The following TGFBR3 variants were observed in gnomAD, a reference collection of about 807,000 sequenced individuals.
TGFBR3 encodes transforming growth factor beta receptor 3.
A neutral mutation model predicts 87.9 loss-of-function variants in TGFBR3; 46 were observed. The observed-to-expected ratio is 0.52, with a 90% CI of 0.41 to 0.67. TGFBR3 has a LOEUF of 0.67. Among genes scored for constraint, TGFBR3 ranks in the 30% least tolerant of loss-of-function variants. TGFBR3 has a pLI of 0.00. For missense variants in TGFBR3, 866 were observed against 1,041.9 expected (o/e 0.83, Z 2.32); for synonymous variants, 381 against 391.6 (o/e 0.97, Z 0.32).
At position 91,727,659 on chromosome 1, in the gene TGFBR3, A is replaced by C; in HGVS notation, c.885T>G (p.Ile295Met). The change falls in exon 7 of 17, where the codon ATT becomes ATG. Residue 295 changes from isoleucine to methionine, a missense_variant and splice_region_variant. Ile to Met is a conservative substitution (Grantham distance 10, BLOSUM62 1). Coordinates refer to ENST00000212355, the MANE Select transcript of TGFBR3 (RefSeq NM_003243.5). ...CAAAAGACATGCTCCACCAACTTAC[A>C]ATAATTTTCAGGCTTCCCTTAACAT... ...SFDVKGSLKI[I>M]APNSIGFGKE... is the part of the protein sequence containing the mutation. 9 of 1,614,098 alleles carry C rather than the reference A, an allele frequency of 5.6e-6. No homozygotes were observed. The highest frequency in any genetic ancestry group is 6.8e-6 in the Non-Finnish European group (8 of 1,179,978).
At chr1:91,815,094 G>A (rs1676168896) in intron 2 of TGFBR3, among the ~76,000 whole-genome samples, 1 of 152,152 alleles carries the variant, frequency 6.6e-6, no homozygotes, top group Non-Finnish European at 1.5e-5. Flanking sequence ...TTGAGGCCAG[G>A]AGTTCAAGAC....
intron 2 of TGFBR3, among the ~76,000 whole-genome samples, chr1:91,799,300 A>G (rs187969801): frequency 7.9e-5 from 12 of 152,300 alleles, no homozygotes; most frequent in Admixed American, 5.9e-4. Flanking sequence ...CACTCTCTGG[A>G]CTGTGGCCAG....
chr1:91,820,917 G>C (rs1393719652), intron 2 of TGFBR3, among the ~76,000 whole-genome samples: 1 of 152,156 alleles, frequency 6.6e-6, no homozygotes, highest in East Asian at 1.9e-4. Context: ...ACTATAAATG[G>C]TTCTTACCTA....
At chr1:91,903,696 AAAG>A (rs1180701751) in intron 1 of TGFBR3, among the ~76,000 whole-genome samples, 1 of 152,162 alleles carries the variant, frequency 6.6e-6, no homozygotes, top group Non-Finnish European at 1.5e-5. Flanking sequence ...TGTCTAAAAA[AAAG>A]AGTTTTGAAA....
intron 2 of TGFBR3, among the ~76,000 whole-genome samples, chr1:91,840,641 G>GT (rs1221161823): frequency 6.6e-6 from 1 of 151,948 alleles, no homozygotes; most frequent in Non-Finnish European, 1.5e-5. Context: ...AATCACATTT[G>GT]TTAATATCTC....
At chr1:91,794,894 C>A (rs72716435) in intron 3 of TGFBR3, among the ~76,000 whole-genome samples, 2,558 of 152,314 alleles carry the variant, frequency 0.017, 31 homozygotes, top group Middle Eastern at 0.054. Flanking sequence ...CGGGTATATA[C>A]CTAAGAGTGG....
chr1:91,750,273 C>A (rs1187055609), intron 4 of TGFBR3, among the ~76,000 whole-genome samples: 2 of 152,212 alleles, frequency 1.3e-5, no homozygotes, highest in Non-Finnish European at 2.9e-5. Flanking sequence ...CCAGCCTTAA[C>A]CTAGCAAGTT....
intron 1 of TGFBR3, among the ~76,000 whole-genome samples, chr1:91,878,390 T>C (rs924501752): frequency 6.6e-6 from 1 of 151,910 alleles, no homozygotes; most frequent in African/African-American, 2.4e-5. Flanking sequence ...CAAGGACCAA[T>C]ATCACACTGT....
intron 3 of TGFBR3, among the ~76,000 whole-genome samples, chr1:91,785,638 T>C (rs898720468): frequency 1.3e-5 from 2 of 152,178 alleles, no homozygotes; most frequent in Admixed American, 6.5e-5. Flanking sequence ...TCTGTGTATA[T>C]TGAGTCCTCC....
At chr1:91,788,028 A>C (rs1675035875) in intron 3 of TGFBR3, among the ~76,000 whole-genome samples, 1 of 152,064 alleles carries the variant, frequency 6.6e-6, no homozygotes, top group Non-Finnish European at 1.5e-5. Context: ...GAGAACCAGG[A>C]AACCAAGAGG....
At chr1:91,751,516 A>C (rs913869983) in intron 4 of TGFBR3, among the ~76,000 whole-genome samples, 1 of 152,230 alleles carries the variant, frequency 6.6e-6, no homozygotes, top group Non-Finnish European at 1.5e-5. Flanking sequence ...AGGCACAGGA[A>C]AACAAATAGC....
chr1:91,815,607 A>C (rs1025264793), intron 2 of TGFBR3, among the ~76,000 whole-genome samples: 5 of 152,198 alleles, frequency 3.3e-5, no homozygotes, highest in Admixed American at 1.3e-4. Context: ...CCTGGGTTCC[A>C]GGCTCATCTC....
chr1:91,798,547 C>T (rs919689142), intron 2 of TGFBR3, among the ~76,000 whole-genome samples: 2 of 152,190 alleles, frequency 1.3e-5, no homozygotes, highest in African/African-American at 4.8e-5. Context: ...TCCGCCCCCA[C>T]AACAAACATC....
intron 2 of TGFBR3, among the ~76,000 whole-genome samples, chr1:91,832,628 C>T (rs1183138710): frequency 2.0e-5 from 3 of 152,136 alleles, no homozygotes; most frequent in Non-Finnish European, 4.4e-5. Context: ...AACCAGACAG[C>T]AGGGGGAAGG....
chr1:91,777,338 C>A (rs1188163268), intron 3 of TGFBR3, among the ~76,000 whole-genome samples: 2 of 152,196 alleles, frequency 1.3e-5, no homozygotes. Flanking sequence ...CACCAACAGG[C>A]AAAACCATCA....
chr1:91,870,876 A>G (rs1678556496), intron 1 of TGFBR3, among the ~76,000 whole-genome samples: 2 of 152,118 alleles, frequency 1.3e-5, no homozygotes, highest in Admixed American at 1.3e-4. Context: ...AAATAAATAC[A>G]AACACAAATA....
intron 2 of TGFBR3, among the ~76,000 whole-genome samples, chr1:91,850,860 A>G (rs558674688): frequency 6.6e-6 from 1 of 151,208 alleles, no homozygotes; most frequent in East Asian, 2.0e-4. Context: ...TTTGAGGCCT[A>G]TGCTACCTGT....
Position 91,797,983 on chromosome 1 carries a change from C to T in TGFBR3, c.62-512G>A, listed in dbSNP as rs988175421. Among the ~76,000 whole-genome samples the T allele has an allele frequency of 4.6e-5, 7 of 152,136 alleles. No individual in the cohort carries two copies. In the South Asian group the frequency reaches 1.5e-3, roughly 32 times the overall value. On this transcript the variant is annotated intron_variant, in intron 2 of 16. Transcript: ENST00000212355. ...AGAGGCGATCAGGGCCAGAGCTGTA[C>T]AGCAAAATTTGGGCCAGAGGTCAGA...
intron 4 of TGFBR3, among the ~76,000 whole-genome samples, chr1:91,746,444 A>G (rs1673349552): frequency 6.6e-6 from 1 of 152,180 alleles, no homozygotes; most frequent in African/African-American, 2.4e-5. Context: ...TCATCTGCCA[A>G]TGTTAGCCTG....
Sources: allele counts gnomAD v4.1 joint callset (sites outside exome capture counted in the v4.1 genomes callset), GRCh38; gene constraint gnomAD v4.1.1; transcripts MANE v1.5; gene names NCBI Gene and HGNC (gene_info 2026-07-23, HGNC 2026-07-21).